The following YJU2B variants were observed in gnomAD, a reference collection of about 807,000 sequenced individuals.
YJU2B encodes the protein YJU2 splicing factor homolog B, also known as probable splicing factor YJU2B.
Under a neutral mutation model 38.0 loss-of-function variants are expected in YJU2B, and 18 were observed. The ratio of observed to expected loss-of-function variants is 0.47; its 90% CI spans 0.33 to 0.70. The LOEUF (loss-of-function observed/expected upper bound fraction) is 0.70. Ranked by LOEUF, YJU2B falls within the 30% of genes least tolerant of loss-of-function variation. YJU2B has a pLI of 0.02. For synonymous variants in YJU2B, 246 were observed against 225.4 expected (o/e 1.09, Z -0.82); for missense variants, 538 against 556.3 (o/e 0.97, Z 0.33).
intron 1 of YJU2B, among the ~76,000 whole-genome samples, chr19:13,749,293 C>T (rs1973365511): frequency 6.6e-6 from 1 of 152,164 alleles, no homozygotes; most frequent in African/African-American, 2.4e-5. Flanking sequence ...CGTGAGCCAC[C>T]GAGTCCGGCC....
exon 1 of YJU2B, chr19:13,731,824 G>A (rs965460708): frequency 4.6e-5 from 7 of 152,270 alleles, no homozygotes; most frequent in Non-Finnish European, 8.8e-5. Flanking sequence ...TCGCCGAGCT[G>A]GGAGTTAGGA....
chr19:13,761,015 C>G (rs1159248058), intron 8 of YJU2B, among the ~76,000 whole-genome samples: 4 of 151,940 alleles, frequency 2.6e-5, no homozygotes, highest in Non-Finnish European at 5.9e-5. Flanking sequence ...GTGATCCACC[C>G]ACCTCAACCT....
At chr19:13,755,850 T>C (rs1973647228) in intron 3 of YJU2B, among the ~76,000 whole-genome samples, 1 of 151,740 alleles carries the variant, frequency 6.6e-6, no homozygotes, top group Non-Finnish European at 1.5e-5. Context: ...CCCAGCTACT[T>C]AGGAGCCTGA....
intron 2 of YJU2B, among the ~76,000 whole-genome samples, chr19:13,738,997 G>A (rs1353757222): frequency 3.3e-5 from 5 of 151,894 alleles, no homozygotes; most frequent in Non-Finnish European, 7.4e-5. Flanking sequence ...CCGGGAGACA[G>A]AGGTGGCAGT....
intron 2 of YJU2B, among the ~76,000 whole-genome samples, chr19:13,741,004 T>C (rs1402210932): frequency 6.6e-6 from 1 of 152,166 alleles, no homozygotes; most frequent in Non-Finnish European, 1.5e-5. Context: ...AGATAATAAA[T>C]GTTTTAGGCC....
At chr19:13,737,037 A>G (rs943320331) in intron 2 of YJU2B, among the ~76,000 whole-genome samples, 16 of 151,062 alleles carry the variant, frequency 1.1e-4, no homozygotes, top group Admixed American at 7.9e-4. Context: ...AAAAAAAAAA[A>G]AAAAAGAAAA....
intron 2 of YJU2B, among the ~76,000 whole-genome samples, chr19:13,738,623 G>C (rs1287199107): frequency 5.9e-5 from 9 of 152,160 alleles, no homozygotes; most frequent in Non-Finnish European, 1.2e-4. Flanking sequence ...CGGGCGTGGT[G>C]GCTCACGCCT....
Position 13,762,328 on chromosome 19 carries a change from GGA to G in YJU2B, c.610_611del (p.Asp204ProfsTer20), listed in dbSNP as rs751064828. 4.3e-6 allele frequency: 7 copies of G among 1,613,832 alleles called. No individual in the cohort carries two copies. In the African/African-American group the frequency reaches 8.0e-5, roughly 18 times the overall value. On this transcript the variant is annotated frameshift_variant, in exon 9 of 10. Transcript: ENST00000221554. LOFTEE classifies it high-confidence loss of function. Reference protein sequence around the residue: ...EKKKAIQEEEERDQALQAKAS... With the variant: ...EKKKAIQEEEXRDQALQAKAS... Reference sequence around the variant, plus strand: ...AGAAAAAAGCCATCCAGGAGGAGGAGGAGAGAGACCAGGCCTTGCAGGCCAAG... The same window carrying G: ...AGAAAAAAGCCATCCAGGAGGAGGAGGAGAGACCAGGCCTTGCAGGCCAAG...
At chr19:13,741,147 ATTTCTT>A (rs1973082422) in intron 2 of YJU2B, among the ~76,000 whole-genome samples, 1 of 126,082 alleles carries the variant, frequency 7.9e-6, no homozygotes, top group Non-Finnish European at 1.7e-5. Context: ...GCTTTTATAG[ATTTCTT>A]TTTTTTTTTT....
At chr19:13,748,075 T>A (rs1368502432) in intron 1 of YJU2B, 121 bp downstream of exon 1, 1 of 152,168 alleles carries the variant, frequency 6.6e-6, no homozygotes, top group African/African-American at 2.4e-5. Context: ...GGACCCGATT[T>A]AGATGCCCGG....
At chr19:13,756,407 C>A in intron 4 of YJU2B, 128 bp downstream of exon 4, 1 of 718,962 alleles carries the variant, frequency 1.4e-6, no homozygotes, top group Non-Finnish European at 2.5e-6. Flanking sequence ...GTCACCGTAT[C>A]AGTCAGTTAT....
intron 3 of YJU2B, among the ~76,000 whole-genome samples, chr19:13,754,926 C>G (rs868825987): frequency 3.4e-4 from 51 of 152,176 alleles, no homozygotes; most frequent in Middle Eastern, 3.4e-3. Flanking sequence ...AGTAAGGGCC[C>G]AAGTGTCCCA....
chr19:13,736,116 G>A (rs938431261), intron 2 of YJU2B, among the ~76,000 whole-genome samples: 6 of 151,764 alleles, frequency 4.0e-5, no homozygotes, highest in Admixed American at 3.9e-4. Flanking sequence ...TCCCAAGTCT[G>A]GAATATAGGA....
At chr19:13,739,946 G>A (rs1973049711) in intron 2 of YJU2B, among the ~76,000 whole-genome samples, 1 of 152,004 alleles carries the variant, frequency 6.6e-6, no homozygotes, top group Admixed American at 6.6e-5. Flanking sequence ...CCCTCCCTGT[G>A]TCCACGCGTT....
intron 2 of YJU2B, among the ~76,000 whole-genome samples, chr19:13,753,793 A>G (rs1973561389): frequency 1.3e-5 from 2 of 152,274 alleles, no homozygotes; most frequent in Admixed American, 6.5e-5. Flanking sequence ...TCGAGAACTC[A>G]TTCGCTGTCA....
rs376462355 is a variant in YJU2B, at chr19:13,762,819, C to G, written c.942C>G (p.Pro314=). The G allele has an allele frequency of 3.0e-5, 48 of 1,604,238 alleles. No homozygotes were observed. The highest frequency in any genetic ancestry group is 3.2e-5 in the Non-Finnish European group (38 of 1,176,352). ...GCCCCCAGCATGCGGCCGACACCCC[C>G]AAGTCTGGGGAACCGCGGGTACCAG... is the stretch of plus-strand genomic sequence containing the variant. ...PESPQHAADT[P]KSGEPRVPEE... The change falls in exon 10 of 10, where the codon CCC becomes CCG. Residue 314 remains proline, a synonymous_variant. Transcript: ENST00000221554.
chr19:13,738,307 T>C (rs1354509392), intron 2 of YJU2B, among the ~76,000 whole-genome samples: 1 of 152,204 alleles, frequency 6.6e-6, no homozygotes, highest in Admixed American at 6.6e-5. Flanking sequence ...CATTATGGCA[T>C]CATCACAGCT....
chr19:13,758,411 G>A (rs1182317328), intron 6 of YJU2B, among the ~76,000 whole-genome samples: 1 of 152,156 alleles, frequency 6.6e-6, no homozygotes, highest in African/African-American at 2.4e-5. Flanking sequence ...GCCTGTCTTG[G>A]GCGGGTTTGT....
chr19:13,734,210 G>T (rs1409808738), intron 2 of YJU2B, among the ~76,000 whole-genome samples: 1 of 152,076 alleles, frequency 6.6e-6, no homozygotes, highest in Non-Finnish European at 1.5e-5. Flanking sequence ...TTACAGGCGT[G>T]AGCCAGCACG....
Sources: gnomAD v4.1 joint callset for allele counts (sites outside exome capture counted in the v4.1 genomes callset) on GRCh38, gnomAD v4.1.1 for gene constraint, MANE v1.5 for transcripts, NCBI Gene and HGNC (gene_info 2026-07-23, HGNC 2026-07-21) for gene names.